CUX2: variants seen among roughly 807,000 people sequenced by gnomAD.
CUX2 encodes homeobox protein cut-like 2.
A neutral mutation model predicts 144.8 loss-of-function variants in CUX2; 40 were observed. The observed-to-expected ratio is 0.28, with a 90% confidence interval of 0.21 to 0.36. The LOEUF is 0.36. Among genes scored for constraint, CUX2 ranks in the 10% least tolerant of loss-of-function variants. The pLI is 1.00. For synonymous variants in CUX2, 827 were observed against 875.6 expected (o/e 0.94, Z 0.98); for missense variants, 1,615 against 1,994.0 (o/e 0.81, Z 3.62).
chr12:111,066,916 A>C (rs1871044740), intron 1 of CUX2, among the ~76,000 whole-genome samples: 1 of 152,138 alleles, frequency 6.6e-6, no homozygotes. Context: ...TCATTCATGG[A>C]AGGCACTTGG....
intron 4 of CUX2, among the ~76,000 whole-genome samples, chr12:111,279,753 G>A (rs1032723169): frequency 1.3e-5 from 2 of 152,236 alleles, no homozygotes; most frequent in Admixed American, 6.5e-5. Flanking sequence ...GAAGGCCAAG[G>A]CCAGCAGATC....
Position 111,105,054 on chromosome 12 carries a change from C to A in CUX2, c.63+70814C>A, listed in dbSNP as rs557018671. ...TATAACCTGTTCTCCTCTAAGGAGC[C>A]GTCCTTGGCTGATCTGTCCAGGGAC... On this transcript the variant is annotated intron_variant, in intron 1 of 21. Coordinates refer to ENST00000261726, the MANE Select transcript of CUX2 (RefSeq NM_015267.4). Among the ~76,000 whole-genome samples the A allele has an allele frequency of 7.9e-5, 12 of 152,266 alleles. No individual in the cohort carries two copies. The South Asian group carries it at 2.5e-3, about 32-fold the overall frequency.
At chr12:111,179,807 G>T (rs1879063960) in intron 1 of CUX2, among the ~76,000 whole-genome samples, 1 of 152,022 alleles carries the variant, frequency 6.6e-6, no homozygotes, top group Admixed American at 6.5e-5. Flanking sequence ...CTCCCGAGTA[G>T]CTGGGACTAC....
At chr12:111,228,097 G>T (rs1438259646) in intron 3 of CUX2, among the ~76,000 whole-genome samples, 1 of 152,196 alleles carries the variant, frequency 6.6e-6, no homozygotes, top group Admixed American at 6.5e-5. Context: ...TGCAGACCCT[G>T]TGCAGTGCCC....
Position 111,061,890 on chromosome 12 carries a change from G to T in CUX2, c.63+27650G>T, listed in dbSNP as rs1953516892. Among the ~76,000 whole-genome samples the T allele has an allele frequency of 6.6e-6, 1 of 151,604 alleles. No individual in the cohort carries two copies. The highest frequency in any genetic ancestry group is 1.5e-5 in the Non-Finnish European group (1 of 67,962). ...ACACCAGGCTTTAGAGTCAGGCACAGTCAAGTTCAAATTCTGCCCCTGCCA... is the reference window on the plus strand; with the variant it reads ...ACACCAGGCTTTAGAGTCAGGCACATTCAAGTTCAAATTCTGCCCCTGCCA... On this transcript the variant is annotated intron_variant, in intron 1 of 21. Coordinates refer to ENST00000261726, the MANE Select transcript of CUX2 (RefSeq NM_015267.4). The surrounding 1 kb of genome is among the most constrained non-coding windows in gnomAD (Gnocchi z 4.2).
chr12:111,265,681 C>G (rs1184574057), intron 4 of CUX2, among the ~76,000 whole-genome samples: 2 of 152,034 alleles, frequency 1.3e-5, no homozygotes, highest in African/African-American at 2.4e-5. Context: ...TCCCCTGCTA[C>G]CTTCTCATTT....
chr12:111,264,126 C>T (rs187699379), intron 4 of CUX2, among the ~76,000 whole-genome samples: 2 of 152,292 alleles, frequency 1.3e-5, no homozygotes, highest in Non-Finnish European at 2.9e-5. Flanking sequence ...TGAAATCTTA[C>T]CCACTAGAGC....
chr12:111,068,539 C>G lies in CUX2; in HGVS notation c.63+34299C>G, dbSNP rs1414890962. On this transcript the variant is annotated intron_variant, in intron 1 of 21. Coordinates refer to ENST00000261726, the MANE Select transcript of CUX2 (RefSeq NM_015267.4). The surrounding 1 kb of genome is among the most constrained non-coding windows in gnomAD (Gnocchi z 4.9). ...CCTTCAGCCCAAACTCTGGGCTCTC[C>G]GGGGACCCAGGAGCGCATCCATTTT... is the stretch of plus-strand genomic sequence containing the variant. 6.6e-6 allele frequency among the ~76,000 whole-genome samples: 1 copy of G among 152,168 alleles called. No individual in the cohort carries two copies. Among genetic ancestry groups the G allele is most frequent in the African/African-American group, 2.4e-5 (1 of 41,440 alleles).
At chr12:111,047,709 T>TAGC (rs1243066149) in intron 1 of CUX2, among the ~76,000 whole-genome samples, 3 of 152,164 alleles carry the variant, frequency 2.0e-5, no homozygotes, top group African/African-American at 7.2e-5. Flanking sequence ...ATCCATCAAA[T>TAGC]AGCAGGTATT....
At chr12:111,311,600 A>C (rs200054403) in intron 15 of CUX2, among the ~76,000 whole-genome samples, 2 of 138,438 alleles carry the variant, frequency 1.4e-5, no homozygotes, top group East Asian at 4.5e-4. Flanking sequence ...CTTTATTATT[A>C]TTATTTTTTT....
At chr12:111,300,514 A>G (rs1351652096) in intron 9 of CUX2, among the ~76,000 whole-genome samples, 3 of 152,228 alleles carry the variant, frequency 2.0e-5, no homozygotes, top group Admixed American at 2.0e-4. Context: ...CCGTATCAGT[A>G]TAGAAAGCAG....
intron 1 of CUX2, among the ~76,000 whole-genome samples, chr12:111,156,340 T>G (rs1425853048): frequency 6.6e-6 from 1 of 152,176 alleles, no homozygotes; most frequent in African/African-American, 2.4e-5. Context: ...GGAAACCAGT[T>G]AGCAGGCTCA....
intron 16 of CUX2, among the ~76,000 whole-genome samples, chr12:111,319,232 T>G (rs1163142601): frequency 6.6e-6 from 1 of 151,950 alleles, no homozygotes; most frequent in Non-Finnish European, 1.5e-5. Context: ...GAGAATCACT[T>G]GAAGCCAGGA....
At chr12:111,168,448 C>G (rs1878294488) in intron 1 of CUX2, among the ~76,000 whole-genome samples, 1 of 152,204 alleles carries the variant, frequency 6.6e-6, no homozygotes, top group African/African-American at 2.4e-5. Context: ...TGTTTGGAAA[C>G]AAGGAGAGAC....
intron 1 of CUX2, among the ~76,000 whole-genome samples, chr12:111,212,822 G>C (rs1881305268): frequency 1.3e-5 from 2 of 152,220 alleles, no homozygotes; most frequent in South Asian, 4.1e-4. Context: ...TGGTGCTCTG[G>C]TGAGCTGCTA....
intron 18 of CUX2, among the ~76,000 whole-genome samples, chr12:111,328,740 C>T (rs1887940846): frequency 6.6e-6 from 1 of 151,876 alleles, no homozygotes; most frequent in African/African-American, 2.4e-5. Context: ...GCTGGGATTA[C>T]AGGCACCCAA....
At chr12:111,172,225 G>A (rs1211035080) in intron 1 of CUX2, among the ~76,000 whole-genome samples, 1 of 152,194 alleles carries the variant, frequency 6.6e-6, no homozygotes, top group East Asian at 1.9e-4. Context: ...CCAGGAGCCA[G>A]ATATCAATTT....
intron 18 of CUX2, among the ~76,000 whole-genome samples, chr12:111,324,434 G>T (rs1887680255): frequency 6.6e-6 from 1 of 151,818 alleles, no homozygotes; most frequent in South Asian, 2.1e-4. Flanking sequence ...GCAGGGAGGG[G>T]GCCAGGAAGA....
intron 1 of CUX2, among the ~76,000 whole-genome samples, chr12:111,087,366 CAAAAAAAAAAAAAAAAAA>C (rs1159500448): frequency 3.1e-4 from 14 of 45,052 alleles, no homozygotes; most frequent in African/African-American, 8.1e-4. Context: ...GACTCCATCT[CAAAAAAAAAAAAAAAAAA>C]AAAAAAAAAA....
Sources: gnomAD v4.1 joint callset for allele counts (sites outside exome capture counted in the v4.1 genomes callset) on GRCh38, gnomAD v4.1.1 for gene constraint, Gnocchi (gnomAD v3.1) non-coding constraint, MANE v1.5 for transcripts, NCBI Gene and HGNC (gene_info 2026-07-23, HGNC 2026-07-21) for gene names.